The following COQ5 variants were observed in gnomAD, a reference collection of about 807,000 sequenced individuals.
COQ5 encodes 2-methoxy-6-polyprenyl-1,4-benzoquinol methylase, mitochondrial.
COQ5 carries 27 observed loss-of-function variants against 40.5 expected under a neutral mutation model. The observed-to-expected ratio is 0.67, with a 90% CI of 0.49 to 0.92. The LOEUF (loss-of-function observed/expected upper bound fraction) is 0.92. COQ5 is among the 40% of genes least tolerant of loss of function. The probability of loss-of-function intolerance (pLI) is 0.00; values close to 1 mark genes in which losing one functional copy is unlikely to be tolerated. For synonymous variants in COQ5, 141 were observed against 150.0 expected (o/e 0.94, Z 0.44); for missense variants, 409 against 406.4 (o/e 1.01, Z -0.06).
Position 120,517,354 on chromosome 12 carries a change from A to AAAAT in COQ5, c.353-570_353-567dup, listed in dbSNP as rs1328854494. Among the ~76,000 whole-genome samples, 22 of 151,676 alleles carry AAAAT rather than the reference A, an allele frequency of 1.5e-4. 1 individual carries two copies. Among genetic ancestry groups the AAAAT allele is most frequent in the South Asian group, 1.0e-3 (5 of 4,804 alleles). On this transcript the variant is annotated intron_variant, in intron 2 of 6. Coordinates refer to ENST00000288532, the MANE Select transcript of COQ5 (RefSeq NM_032314.4). ...GTGACAAAAGCGAAACTCCGTCTCA[A>AAAAT]AAATAAATAAATAAATAAATAAAAT...
chr12:120,528,789 A>G, intron 1 of COQ5, 151 bp downstream of exon 1: 1 of 744,828 alleles, frequency 1.3e-6, no homozygotes, highest in Non-Finnish European at 2.3e-6. Flanking sequence ...GGGCAACAAG[A>G]GCGAAATTCT....
chr12:120,528,598 G>C (rs1870074366), intron 1 of COQ5, among the ~76,000 whole-genome samples: 1 of 152,034 alleles, frequency 6.6e-6, no homozygotes, highest in African/African-American at 2.4e-5. Context: ...ATCACCTGAG[G>C]TCAGGAGTTC....
chr12:120,523,299 T>A, intron 1 of COQ5: 1 of 232,374 alleles, frequency 4.3e-6, no homozygotes, highest in Non-Finnish European at 8.6e-6. Context: ...ATGGCGCCAC[T>A]GCACTCCCGC....
At chr12:120,516,872 G>A in intron 2 of COQ5, 84 bp from the exon 3 acceptor site, 2 of 1,177,666 alleles carry the variant, frequency 1.7e-6, no homozygotes, top group Non-Finnish European at 2.5e-6. Flanking sequence ...ACCCAAAGGG[G>A]TAACAGAGGC....
At chr12:120,522,057 C>T (rs549462951) in intron 2 of COQ5, among the ~76,000 whole-genome samples, 157 bp downstream of exon 2, 1 of 152,152 alleles carries the variant, frequency 6.6e-6, no homozygotes, top group African/African-American at 2.4e-5. Context: ...GATATTCAGT[C>T]AAAAAGATAA....
intron 4 of COQ5, among the ~76,000 whole-genome samples, chr12:120,507,122 C>T (rs997528920): frequency 1.1e-4 from 16 of 152,186 alleles, no homozygotes; most frequent in Non-Finnish European, 1.3e-4. Flanking sequence ...GCGTGAGCTA[C>T]TGTGCCCAGC....
At chr12:120,520,540 G>A (rs1350799018) in intron 2 of COQ5, among the ~76,000 whole-genome samples, 3 of 151,962 alleles carry the variant, frequency 2.0e-5, no homozygotes, top group Non-Finnish European at 4.4e-5. Flanking sequence ...TGGCCAGGAT[G>A]GTTTCGATCT....
chr12:120,504,950 C>G lies in COQ5; in HGVS notation c.715G>C (p.Gly239Arg). Residue 239 changes from glycine to arginine, a missense_variant, in exon 5 of 7, where the codon GGA (glycine) becomes CGA (arginine). Coordinates refer to ENST00000288532, the MANE Select transcript of COQ5 (RefSeq NM_032314.4). ...LQEAHRVLKP[G>R]GRFLCLEFSQ... is the part of the protein sequence containing the mutation. ...AATTCCAGACAGAGAAACCGTCCTCCTGGTTTCAGCACCCGATGAGCTTCC... is the reference window on the plus strand; with the variant it reads ...AATTCCAGACAGAGAAACCGTCCTCGTGGTTTCAGCACCCGATGAGCTTCC... 6.2e-7 allele frequency: 1 copy of G among 1,614,178 alleles called. No individual in the cohort carries two copies. Among genetic ancestry groups the G allele is most frequent in the Non-Finnish European group, 8.5e-7 (1 of 1,180,024 alleles).
intron 2 of COQ5, among the ~76,000 whole-genome samples, chr12:120,521,627 G>A (rs1347390448): frequency 6.9e-6 from 1 of 144,490 alleles, no homozygotes; most frequent in Admixed American, 7.2e-5. Flanking sequence ...GTGGAGCCGA[G>A]ATTGCACCGC....
rs546600538 is a variant in COQ5 at position 120,504,553 on chromosome 12, T to G, written c.770+342A>C. The G allele has an allele frequency of 1.3e-5, 3 of 233,542 alleles. No homozygotes were observed. The East Asian group carries it at 3.1e-4, about 24-fold the overall frequency. 14.5% of individuals were successfully genotyped at this position (233,542 alleles called of 1,614,324 possible). A position where few individuals can be genotyped will look rare whatever the true frequency, so the allele number is the denominator to read the frequency against. ...ATGAGCCACTGCACTTGGCCCAAAT[T>G]TCCTGATTTTTTTTTTTTTAAGCCA... On this transcript the variant is annotated intron_variant, in intron 5 of 6. Transcript: ENST00000288532.
At chr12:120,527,637 G>T (rs1870010964) in intron 1 of COQ5, among the ~76,000 whole-genome samples, 1 of 151,986 alleles carries the variant, frequency 6.6e-6, no homozygotes, top group Non-Finnish European at 1.5e-5. Flanking sequence ...CTTCTTCCTT[G>T]CTTGCCACTG....
chr12:120,518,269 A>C (rs1869474427), intron 2 of COQ5, among the ~76,000 whole-genome samples: 1 of 151,936 alleles, frequency 6.6e-6, no homozygotes, highest in Non-Finnish European at 1.5e-5. Context: ...CTACGAAAAA[A>C]ATTACAAAAA....
intron 1 of COQ5, chr12:120,527,218 G>C (rs981537294): frequency 2.0e-5 from 3 of 151,950 alleles, no homozygotes; most frequent in African/African-American, 7.3e-5. Flanking sequence ...AATTAGCTGT[G>C]ATTACAGGCG....
chr12:120,524,429 T>G (rs1056573746), intron 1 of COQ5, among the ~76,000 whole-genome samples: 4 of 151,052 alleles, frequency 2.6e-5, no homozygotes, highest in Non-Finnish European at 5.9e-5. Context: ...CCCAGCTAAT[T>G]TTTTGTATTT....
chr12:120,526,698 A>ATTTTTTTTTTTTTTTTTTTTTTTTTTTT (rs61584250), intron 1 of COQ5, among the ~76,000 whole-genome samples: 2 of 64,148 alleles, frequency 3.1e-5, no homozygotes, highest in African/African-American at 8.2e-5. Flanking sequence ...ACTCTTGGCA[A>ATTTTTTTTTTTTTTTTTTTTTTTTTTTT]TTTTTTTTTT....
chr12:120,503,801 A>C lies in COQ5; in HGVS notation c.967T>G (p.Ser323Ala). 1 of 1,613,750 alleles carries C rather than the reference A, an allele frequency of 6.2e-7. No individual in the cohort carries two copies. The highest frequency in any genetic ancestry group is 8.5e-7 in the Non-Finnish European group (1 of 1,179,618). ...GAAAGGAATTAAAGTTTGAAGCCAG[A>C]ATGAATGGCCACAATGCCTGATGTT... ...SLTSGIVAIHSGFKL is the reference protein window; with the variant it reads ...SLTSGIVAIHAGFKL Residue 323 changes from serine to alanine, a missense_variant, in exon 7 of 7, where the codon TCT becomes GCT. Transcript: ENST00000288532.
chr12:120,508,072 T>C (rs1437328044), intron 4 of COQ5, among the ~76,000 whole-genome samples: 1 of 147,224 alleles, frequency 6.8e-6, no homozygotes, highest in Non-Finnish European at 1.5e-5. Context: ...CTCGGCTCAC[T>C]GCAGCCTCCG....
chr12:120,522,126 C>T (rs1424800134), intron 2 of COQ5, 88 bp downstream of exon 2: 16 of 1,380,688 alleles, frequency 1.2e-5, no homozygotes, highest in Middle Eastern at 1.8e-4. Context: ...TCTTCCGCCT[C>T]GTGTTAGGTG....
At chr12:120,521,585 G>T (rs1352653554) in intron 2 of COQ5, among the ~76,000 whole-genome samples, 1 of 149,788 alleles carries the variant, frequency 6.7e-6, no homozygotes, top group Admixed American at 6.7e-5. Flanking sequence ...CTGAGGCAGA[G>T]AATTGCTTGA....
Sources: allele counts gnomAD v4.1 joint callset (sites outside exome capture counted in the v4.1 genomes callset), GRCh38; gene constraint gnomAD v4.1.1; transcripts MANE v1.5; gene names NCBI Gene and HGNC (gene_info 2026-07-23, HGNC 2026-07-21).